Variants in PTCH1 observed in about 807,000 individuals in gnomAD.
PTCH1 encodes the protein protein patched homolog 1.
A neutral mutation model predicts 144.6 loss-of-function variants in PTCH1; 14 were observed. The observed-to-expected ratio is 0.10, with a 90% CI of 0.06 to 0.15. PTCH1 has a LOEUF of 0.15. Among genes scored for constraint, PTCH1 ranks in the 10% least tolerant of loss-of-function variants. The pLI, the probability that PTCH1 is intolerant of heterozygous loss-of-function variation, is 1.00. For synonymous variants in PTCH1, 833 were observed against 793.6 expected (o/e 1.05, Z -0.83); for missense variants, 1,623 against 1,948.3 (o/e 0.83, Z 3.14).
At chr9:95,469,198 A>T (rs1393507688) in intron 13 of PTCH1, 45 bp from the exon 14 acceptor site, 1 of 1,611,494 alleles carries the variant, frequency 6.2e-7, no homozygotes, top group Admixed American at 1.7e-5. Flanking sequence ...TGAAACAGGG[A>T]AATGGTGCTT....
intron 16 of PTCH1, among the ~76,000 whole-genome samples, chr9:95,461,631 C>A (rs1233187940): frequency 6.6e-6 from 1 of 152,188 alleles, no homozygotes; most frequent in Non-Finnish European, 1.5e-5. Flanking sequence ...ACACGCCTGT[C>A]CCATTTGACA....
intron 1 of PTCH1, chr9:95,507,905 T>TACACACACACACACGC (rs1554709326): frequency 1.6e-6 from 2 of 1,220,070 alleles, no homozygotes; most frequent in Non-Finnish European, 2.1e-6. Context: ...GGCGTGTGTA[T>TACACACACACACACGC]ACACACACAC....
Position 95,485,839 on chromosome 9 carries a change from G to T in PTCH1, c.430C>A (p.Arg144Ser). 6.2e-7 allele frequency: 1 copy of T among 1,614,128 alleles called. No individual in the cohort carries two copies. The highest frequency in any genetic ancestry group is 1.3e-5 in the African/African-American group (1 of 75,000). Residue 144 changes from arginine (R) to serine (S), a missense_variant, in exon 3 of 24, where the codon CGC (arginine) becomes AGC (serine). Physicochemically the swap from Arg to Ser is moderately radical, Grantham distance 110 (BLOSUM62 -1). Around this residue, in one of 7 missense-constraint regions of PTCH1, gnomAD observed 245 missense variants for 240.6 expected, o/e 1.02. Transcript: ENST00000331920. ...GRVSRELNYT[R>S]QKIGEEAMFN... ...ATAGCCTCTTCTCCAATCTTCTGGC[G>T]AGTATAATTTAATTCACGACTTACT...
chr9:95,487,614 G>C (rs1298663054), intron 2 of PTCH1, among the ~76,000 whole-genome samples: 6 of 152,190 alleles, frequency 3.9e-5, no homozygotes, highest in African/African-American at 1.4e-4. Context: ...AGGCTAAAAA[G>C]CCAGTTATGA....
intron 1 of PTCH1, 149 bp downstream of exon 1, chr9:95,508,012 T>C (rs1425636854): frequency 2.0e-6 from 3 of 1,525,418 alleles, no homozygotes; most frequent in African/African-American, 1.4e-5. Context: ...TCCCCATTTG[T>C]CTGCTGCTTT....
Position 95,458,309 on chromosome 9 carries a change from C to G in PTCH1, c.2888-16G>C. 6.2e-7 allele frequency: 1 copy of G among 1,612,760 alleles called. No individual in the cohort carries two copies. On this transcript the variant is annotated splice_polypyrimidine_tract_variant and intron_variant, in intron 17 of 23. Transcript: ENST00000331920. The surrounding 1 kb of genome is among the most constrained non-coding windows in gnomAD (Gnocchi z 4.7). Reference sequence around the variant, plus strand: ...GCTGCCGGGACTGGACAGAGAAGGGCACAGGTTAGGAGCAGCCCAGGGTAG... The same window carrying G: ...GCTGCCGGGACTGGACAGAGAAGGGGACAGGTTAGGAGCAGCCCAGGGTAG...
exon 1 of PTCH1, chr9:95,516,562 C>T (rs1844372692): frequency 6.4e-7 from 1 of 1,552,442 alleles, no homozygotes; most frequent in East Asian, 2.4e-5. Flanking sequence ...TTTCCCTGGC[C>T]CCCCTTTCCT....
intron 8 of PTCH1, 50 bp from the exon 9 acceptor site, chr9:95,478,236 CA>C (rs755540459): frequency 6.2e-7 from 1 of 1,612,854 alleles, no homozygotes; most frequent in Non-Finnish European, 8.5e-7. Flanking sequence ...AACACTTCCA[CA>C]AGCCTCGACA....
At chr9:95,505,638 C>T (rs1587689617) in intron 2 of PTCH1, among the ~76,000 whole-genome samples, 1 of 152,094 alleles carries the variant, frequency 6.6e-6, no homozygotes, top group African/African-American at 2.4e-5. Context: ...CATTTCTTTT[C>T]TTTGCCTGCA....
In PTCH1 at chr9:95,463,148, C is replaced by G. The variant is rs552722717; in HGVS notation, c.2561-1150G>C. Among the ~76,000 whole-genome samples, 7 of 150,126 alleles carry G rather than the reference C, an allele frequency of 4.7e-5. No homozygotes were observed. The South Asian group carries it at 1.5e-3, about 32-fold the overall frequency. ...AGCGTTTATTTCATTTCGGGACATG[C>G]CTTGGATGATTTCAAAGGCTTCAAA... On this transcript the variant is annotated intron_variant, in intron 15 of 23. Transcript: ENST00000331920.
At chr9:95,462,070 TGAG>T in intron 15 of PTCH1, 72 bp from the exon 16 acceptor site, 1 of 1,564,396 alleles carries the variant, frequency 6.4e-7, no homozygotes, top group Non-Finnish European at 8.8e-7. Context: ...CGGGGTGGGC[TGAG>T]GAGACTGAGC....
upstream of PTCH1, among the ~76,000 whole-genome samples, chr9:95,510,985 C>G (rs1317456224): frequency 7.3e-5 from 11 of 150,052 alleles, no homozygotes; most frequent in Admixed American, 6.6e-4. Context: ...GCGCGCCCAG[C>G]CGGCGCGGAC....
intron 2 of PTCH1, among the ~76,000 whole-genome samples, chr9:95,486,807 G>A (rs1395984800): frequency 6.6e-6 from 1 of 152,188 alleles, no homozygotes; most frequent in Non-Finnish European, 1.5e-5. Context: ...GCCAAGCTCC[G>A]AATGCTGCAC....
At chr9:95,490,207 C>T (rs1337242281) in intron 2 of PTCH1, among the ~76,000 whole-genome samples, 1 of 151,566 alleles carries the variant, frequency 6.6e-6, no homozygotes, top group African/African-American at 2.4e-5. Context: ...GACATGGTGG[C>T]TCATGCCTGT....
chr9:95,492,770 A>G (rs1047970533), intron 2 of PTCH1, among the ~76,000 whole-genome samples: 1 of 152,030 alleles, frequency 6.6e-6, no homozygotes, highest in African/African-American at 2.4e-5. Context: ...ATTTTTATTT[A>G]AAGTACAACC....
intron 12 of PTCH1, among the ~76,000 whole-genome samples, chr9:95,471,788 C>G (rs1840608947): frequency 6.6e-6 from 1 of 152,192 alleles, no homozygotes; most frequent in Non-Finnish European, 1.5e-5. Context: ...GCCTGTAATC[C>G]CAGCACTGTG....
chr9:95,511,253 C>T (rs527971184), upstream of PTCH1, among the ~76,000 whole-genome samples: 4 of 151,652 alleles, frequency 2.6e-5, no homozygotes, highest in African/African-American at 7.2e-5. Context: ...CCGGCGGTTT[C>T]CCCTCCCCGC....
At chr9:95,497,304 G>T in intron 2 of PTCH1, among the ~76,000 whole-genome samples, 1 of 152,218 alleles carries the variant, frequency 6.6e-6, no homozygotes, top group East Asian at 1.9e-4. Flanking sequence ...CGTACGACAC[G>T]TTATACCGGA....
Position 95,446,288 on chromosome 9 carries a change from C to T in PTCH1, c.*105G>A, listed in dbSNP as rs142840663. On this transcript the variant is annotated 3_prime_UTR_variant, in exon 24 of 24. Transcript: ENST00000331920. The stretch of plus-strand genomic sequence containing the variant: ...AATGAACTGCTGTCCTGGCACAGGG[C>T]ATCTTTTCCATAACTCCAACCAGTT... 4.3e-5 allele frequency: 21 copies of T among 492,686 alleles called. No individual in the cohort carries two copies. The East Asian group carries it at 6.8e-4, about 16-fold the overall frequency. 30.5% of individuals were successfully genotyped at this position (492,686 alleles called of 1,614,324 possible).
Sources: allele counts gnomAD v4.1 joint callset (sites outside exome capture counted in the v4.1 genomes callset), GRCh38; gene constraint gnomAD v4.1.1; regional missense constraint gnomAD v4.1.1; non-coding constraint Gnocchi (gnomAD v3.1); transcripts MANE v1.5; gene names NCBI Gene and HGNC (gene_info 2026-07-23, HGNC 2026-07-21).